The following SLC24A3 variants were observed in gnomAD, a reference collection of about 807,000 sequenced individuals.
SLC24A3 encodes sodium/potassium/calcium exchanger 3.
A neutral mutation model predicts 75.8 loss-of-function variants in SLC24A3; 28 were observed. The ratio of observed to expected loss-of-function variants is 0.37; its 90% CI spans 0.27 to 0.51. The LOEUF is 0.51. Among genes scored for constraint, SLC24A3 ranks in the 20% least tolerant of loss-of-function variants. The probability of loss-of-function intolerance (pLI) is 0.94; values close to 1 mark genes in which losing one functional copy is unlikely to be tolerated. For missense variants in SLC24A3, 663 were observed against 847.8 expected (o/e 0.78, Z 2.71); for synonymous variants, 372 against 334.1 (o/e 1.11, Z -1.24).
chr20:19,228,639 C>T (rs909085597), intron 1 of SLC24A3, among the ~76,000 whole-genome samples: 8 of 149,936 alleles, frequency 5.3e-5, no homozygotes, highest in Non-Finnish European at 7.4e-5. Context: ...AGCTAGACTC[C>T]GTCTCAAAAA....
At chr20:19,315,387 G>GC (rs1259096098) in intron 2 of SLC24A3, among the ~76,000 whole-genome samples, 2 of 152,210 alleles carry the variant, frequency 1.3e-5, no homozygotes, top group African/African-American at 2.4e-5. Flanking sequence ...GTGCAAAGAA[G>GC]CAAGTGTATG....
At chr20:19,254,791 C>T (rs1982763547) in intron 1 of SLC24A3, among the ~76,000 whole-genome samples, 2 of 152,182 alleles carry the variant, frequency 1.3e-5, no homozygotes, top group Admixed American at 1.3e-4. Flanking sequence ...CCTGGAGTTC[C>T]AGGTTTCTCC....
At chr20:19,494,458 T>A (rs139034891) in intron 2 of SLC24A3, among the ~76,000 whole-genome samples, 4 of 152,168 alleles carry the variant, frequency 2.6e-5, no homozygotes, top group African/African-American at 9.7e-5. Flanking sequence ...AATGAAATCA[T>A]CTGGGAAACA....
chr20:19,716,019 C>G (rs1431326784), intron 15 of SLC24A3, among the ~76,000 whole-genome samples: 1 of 152,228 alleles, frequency 6.6e-6, no homozygotes, highest in South Asian at 2.1e-4. Context: ...TATGCTTTCT[C>G]TAAATCAGTG....
intron 1 of SLC24A3, among the ~76,000 whole-genome samples, chr20:19,252,173 C>A (rs929019793): frequency 6.6e-6 from 1 of 152,114 alleles, no homozygotes; most frequent in African/African-American, 2.4e-5. Flanking sequence ...CCATCTCGGG[C>A]AAATATTGTT....
chr20:19,693,315 T>C lies in SLC24A3; in HGVS notation c.1381T>C (p.Tyr461His), dbSNP rs1214774474. Residue 461 changes from tyrosine to histidine, a missense_variant, in exon 13 of 17, where the codon TAC becomes CAC. Transcript: ENST00000328041. Reference protein sequence around the residue: ...AFTWPLSFVLYFTVPNCNKPR... With the variant: ...AFTWPLSFVLHFTVPNCNKPR... ...CACCTGGCCGCTGAGTTTCGTCTTA[T>C]ACTTCACTGTACCCAACTGCAACAA... The C allele has an allele frequency of 1.9e-6, 3 of 1,614,032 alleles. No homozygotes were observed. The highest frequency in any genetic ancestry group is 8.5e-7 in the Non-Finnish European group (1 of 1,180,030).
At chr20:19,504,796 T>A (rs1568637097) in intron 2 of SLC24A3, among the ~76,000 whole-genome samples, 1 of 152,234 alleles carries the variant, frequency 6.6e-6, no homozygotes, top group Non-Finnish European at 1.5e-5. Context: ...CATAAATATG[T>A]CACTTTCTTT....
intron 3 of SLC24A3, among the ~76,000 whole-genome samples, chr20:19,535,804 A>G (rs1041216513): frequency 6.6e-6 from 1 of 152,192 alleles, no homozygotes; most frequent in African/African-American, 2.4e-5. Context: ...ATAACATAAC[A>G]TCACAGACTA....
chr20:19,295,474 G>A (rs1299903236), intron 2 of SLC24A3, among the ~76,000 whole-genome samples: 1 of 152,172 alleles, frequency 6.6e-6, no homozygotes, highest in African/African-American at 2.4e-5. Flanking sequence ...CATTCAGTAT[G>A]ATATTGGCTG....
chr20:19,519,426 A>G (rs636116), intron 3 of SLC24A3, among the ~76,000 whole-genome samples: 18,276 of 152,202 alleles, frequency 0.12, 1,287 homozygotes, highest in East Asian at 0.31. Flanking sequence ...TGAACATCGC[A>G]GCTTGAATGT....
chr20:19,287,853 G>A (rs752218967), intron 2 of SLC24A3, among the ~76,000 whole-genome samples: 3 of 152,194 alleles, frequency 2.0e-5, no homozygotes, highest in South Asian at 2.1e-4. Flanking sequence ...CACCACTTTC[G>A]ACCTGTGTGA....
chr20:19,259,625 C>A (rs778953726), intron 1 of SLC24A3, among the ~76,000 whole-genome samples: 1 of 152,200 alleles, frequency 6.6e-6, no homozygotes, highest in African/African-American at 2.4e-5. Flanking sequence ...CTTGCTGTTG[C>A]ATTGATCTTT....
chr20:19,313,028 CTTTTTTTTTTTT>C lies in SLC24A3; in HGVS notation c.271+31956_271+31967del, dbSNP rs747623530. On this transcript the variant is annotated intron_variant, in intron 2 of 16. Coordinates refer to ENST00000328041, the MANE Select transcript of SLC24A3 (RefSeq NM_020689.4). The stretch of plus-strand genomic sequence containing the variant: ...TTCAAGTATTCTTCCTTTTCTCTTG[CTTTTTTTTTTTT>C]TTTTTTTTTTTTTTGACATGGAGTC... Among the ~76,000 whole-genome samples the C allele has an allele frequency of 3.5e-4, 24 of 68,322 alleles. 1 individual carries two copies. Among genetic ancestry groups the C allele is most frequent in the African/African-American group, 1.1e-3 (19 of 17,250 alleles). The allele number at this position is 68,322 out of a possible 152,430, so 44.8% of individuals were successfully genotyped here.
At chr20:19,448,241 AT>A (rs1248591974) in intron 2 of SLC24A3, among the ~76,000 whole-genome samples, 2 of 152,186 alleles carry the variant, frequency 1.3e-5, no homozygotes, top group Non-Finnish European at 2.9e-5. Context: ...ATCTGCGATT[AT>A]TTTCGCATTA....
intron 3 of SLC24A3, among the ~76,000 whole-genome samples, chr20:19,570,563 T>G (rs2031036265): frequency 6.6e-6 from 1 of 152,212 alleles, no homozygotes; most frequent in Non-Finnish European, 1.5e-5. Flanking sequence ...CTGCATTTTC[T>G]GGTGACTCTG....
At chr20:19,652,478 TGA>T (rs1241073548) in intron 6 of SLC24A3, among the ~76,000 whole-genome samples, 1 of 152,220 alleles carries the variant, frequency 6.6e-6, no homozygotes, top group Non-Finnish European at 1.5e-5. Flanking sequence ...TTTACAGTAC[TGA>T]GAGAGAATGA....
intron 3 of SLC24A3, among the ~76,000 whole-genome samples, chr20:19,529,414 A>G (rs2030255230): frequency 6.6e-6 from 1 of 152,150 alleles, no homozygotes; most frequent in South Asian, 2.1e-4. Flanking sequence ...CCTAGAAATC[A>G]ACCTTGATTT....
rs370532746 is a variant in SLC24A3, at chr20:19,458,968, G to T, written c.272-56520G>T. ...AGGACTGGTTAACCCACTTGTTTTA[G>T]CCCATTGGAGTGGTTAAGATAGTAG... On this transcript the variant is annotated intron_variant, in intron 2 of 16. Coordinates refer to ENST00000328041, the MANE Select transcript of SLC24A3 (RefSeq NM_020689.4). Among the ~76,000 whole-genome samples the T allele has an allele frequency of 5.9e-4, 90 of 152,254 alleles. No homozygotes were observed. In the Middle Eastern group the frequency reaches 0.017, roughly 29 times the overall value.
intron 3 of SLC24A3, among the ~76,000 whole-genome samples, chr20:19,519,444 G>C (rs2030061667): frequency 6.6e-6 from 1 of 152,130 alleles, no homozygotes; most frequent in Non-Finnish European, 1.5e-5. Flanking sequence ...TGTTCCCTTG[G>C]ATCTTTCGTG....
Sources: allele counts gnomAD v4.1 joint callset (sites outside exome capture counted in the v4.1 genomes callset), GRCh38; gene constraint gnomAD v4.1.1; transcripts MANE v1.5; gene names NCBI Gene and HGNC (gene_info 2026-07-23, HGNC 2026-07-21).